Variants in BRINP2 observed in about 807,000 individuals in gnomAD.
BRINP2 encodes BMP/retinoic acid-inducible neural-specific protein 2.
In BRINP2, 21 loss-of-function variants were observed where a neutral mutation model predicts 69.2. The observed-to-expected ratio is 0.30, with a 90% confidence interval of 0.22 to 0.44. The LOEUF (loss-of-function observed/expected upper bound fraction) is 0.44, where lower values mean the gene tolerates loss of function less well. Ranked by LOEUF, BRINP2 falls within the 20% of genes least tolerant of loss-of-function variation. BRINP2 has a pLI of 1.00. For missense variants in BRINP2, 877 were observed against 986.0 expected (o/e 0.89, Z 1.48); for synonymous variants, 380 against 394.1 (o/e 0.96, Z 0.42).
At chr1:177,271,012 A>G (rs1353466009) in intron 4 of BRINP2, among the ~76,000 whole-genome samples, 2 of 152,226 alleles carry the variant, frequency 1.3e-5, no homozygotes, top group African/African-American at 2.4e-5. Flanking sequence ...CCACATGTGG[A>G]GGGAGGCAGG....
chr1:177,226,912 C>G (rs1649709554), intron 1 of BRINP2, among the ~76,000 whole-genome samples: 1 of 152,164 alleles, frequency 6.6e-6, no homozygotes, highest in Non-Finnish European at 1.5e-5. Context: ...CCCAGGCCAG[C>G]AGAAGCTTGA....
At chr1:177,230,984 A>T (rs945413849) in intron 2 of BRINP2, among the ~76,000 whole-genome samples, 13 of 152,230 alleles carry the variant, frequency 8.5e-5, no homozygotes, top group Admixed American at 3.9e-4. Flanking sequence ...TTTTCTAATT[A>T]AAATTAGTTT....
intron 1 of BRINP2, among the ~76,000 whole-genome samples, chr1:177,178,313 T>C (rs538870290): frequency 5.9e-5 from 9 of 152,298 alleles, no homozygotes; most frequent in African/African-American, 2.2e-4. Context: ...CTCCCCACTA[T>C]TGTCAAAATA....
chr1:177,276,323 C>T lies in BRINP2; in HGVS notation c.901C>T (p.Pro301Ser), dbSNP rs1359213025. Residue 301 changes from proline (P) to serine (S), a missense_variant, in exon 6 of 8, where the codon CCC becomes TCC. Transcript: ENST00000361539. The stretch of plus-strand genomic sequence containing the variant: ...GAATGACTGCTGGTGCAAGTGCAGC[C>T]CCACCTTCCCTGAATGCAACTGCCC... ...KENDCWCKCS[P>S]TFPECNCPDA... The T allele has an allele frequency of 6.2e-7, 1 of 1,614,202 alleles. No homozygotes were observed. Among genetic ancestry groups the T allele is most frequent in the South Asian group, 1.1e-5 (1 of 91,080 alleles).
At chr1:177,232,012 A>G (rs542654490) in intron 2 of BRINP2, among the ~76,000 whole-genome samples, 8 of 152,252 alleles carry the variant, frequency 5.3e-5, no homozygotes, top group Non-Finnish European at 8.8e-5. Flanking sequence ...CCACTCTAGA[A>G]TGTGCTTAAG....
chr1:177,209,295 A>G (rs769465511), intron 1 of BRINP2, among the ~76,000 whole-genome samples: 3 of 152,126 alleles, frequency 2.0e-5, no homozygotes, highest in Non-Finnish European at 4.4e-5. Flanking sequence ...CAGAAAGCAT[A>G]TGGGTAATTT....
At chr1:177,199,858 T>G (rs1278894974) in intron 1 of BRINP2, among the ~76,000 whole-genome samples, 1 of 152,220 alleles carries the variant, frequency 6.6e-6, no homozygotes, top group Non-Finnish European at 1.5e-5. Flanking sequence ...TGGCTCTATG[T>G]GCAAAATATG....
intron 1 of BRINP2, among the ~76,000 whole-genome samples, chr1:177,196,220 C>T (rs553333728): frequency 2.3e-4 from 35 of 152,288 alleles, no homozygotes; most frequent in Middle Eastern, 3.4e-3. Context: ...CCCAGATATA[C>T]CTTAGAATCA....
At chr1:177,175,900 G>C (rs190075964) in intron 1 of BRINP2, among the ~76,000 whole-genome samples, 93 of 152,302 alleles carry the variant, frequency 6.1e-4, no homozygotes, top group African/African-American at 2.1e-3. Context: ...GGCTGAGGTA[G>C]AGATCTGGGC....
intron 3 of BRINP2, chr1:177,256,435 G>T (rs1650761184): frequency 1.0e-6 from 1 of 985,302 alleles, no homozygotes; most frequent in Non-Finnish European, 1.2e-6. Flanking sequence ...ACTTTCTAAT[G>T]TTTGCTGTGG....
chr1:177,257,458 C>T (rs1017567335), intron 4 of BRINP2, 74 bp downstream of exon 4: 1 of 1,386,240 alleles, frequency 7.2e-7, no homozygotes, highest in African/African-American at 1.4e-5. Flanking sequence ...GAGCCTCAAC[C>T]ATCTCTAGGT....
chr1:177,180,553 G>A (rs572984347), intron 1 of BRINP2, among the ~76,000 whole-genome samples: 4 of 152,352 alleles, frequency 2.6e-5, no homozygotes, highest in South Asian at 2.1e-4. Context: ...CATATTCACA[G>A]TGGTTTTCAT....
Position 177,281,773 on chromosome 1 carries a change from A to C in BRINP2, c.*245A>C, listed in dbSNP as rs906125758. 1 of 395,538 alleles carries C rather than the reference A, an allele frequency of 2.5e-6. No individual in the cohort carries two copies. The highest frequency in any genetic ancestry group is 2.1e-5 in the African/African-American group (1 of 48,652). The allele number at this position is 395,538 out of a possible 1,614,324, so 24.5% of individuals were successfully genotyped here. ...GGAGGCTACAACTAAGCAGCCTCAG[A>C]TCTGTAAAGTTGATTGGTGCTTTCT... On this transcript the variant is annotated 3_prime_UTR_variant, in exon 8 of 8. Transcript: ENST00000361539.
intron 1 of BRINP2, among the ~76,000 whole-genome samples, chr1:177,208,001 G>A (rs1301378138): frequency 6.6e-6 from 1 of 152,194 alleles, no homozygotes; most frequent in African/African-American, 2.4e-5. Flanking sequence ...GAGGGGTGTA[G>A]AACCTGGTGG....
At chr1:177,267,364 G>C (rs1651161940) in intron 4 of BRINP2, among the ~76,000 whole-genome samples, 1 of 152,080 alleles carries the variant, frequency 6.6e-6, no homozygotes, top group South Asian at 2.1e-4. Context: ...TCCCTAGTTG[G>C]AGATCTTTTA....
intron 1 of BRINP2, among the ~76,000 whole-genome samples, chr1:177,211,616 A>G (rs1268100856): frequency 1.3e-5 from 2 of 152,186 alleles, no homozygotes; most frequent in African/African-American, 4.8e-5. Flanking sequence ...GTTGTTCATT[A>G]TGATTCAAGT....
At chr1:177,200,259 T>C (rs1648864483) in intron 1 of BRINP2, among the ~76,000 whole-genome samples, 1 of 113,122 alleles carries the variant, frequency 8.8e-6, no homozygotes, top group Admixed American at 1.4e-4. Flanking sequence ...GCCCTTGCTC[T>C]CCAGCCTGGG....
intron 4 of BRINP2, 114 bp downstream of exon 4, chr1:177,257,498 G>T: frequency 9.8e-7 from 1 of 1,025,518 alleles, no homozygotes; most frequent in Non-Finnish European, 1.4e-6. Flanking sequence ...AAGAGGAAAA[G>T]AAGCTTTCTG....
Position 177,229,984 on chromosome 1 carries a change from C to T in BRINP2, c.108C>T (p.Ala36=). 6.2e-7 allele frequency: 1 copy of T among 1,613,370 alleles called. No homozygotes were observed. Among genetic ancestry groups the T allele is most frequent in the Non-Finnish European group, 8.5e-7 (1 of 1,179,866 alleles). Residue 36 remains alanine, a synonymous_variant, in exon 2 of 8, where the codon GCC becomes GCT. Coordinates refer to ENST00000361539, the MANE Select transcript of BRINP2 (RefSeq NM_021165.4). ...GLPGWVLAVS[A]TAAAVVPEQH... Reference sequence around the variant, plus strand: ...CTGGCTGGGTGTTGGCTGTCTCAGCCACGGCGGCTGCTGTGGTCCCCGAGC... The same window carrying T: ...CTGGCTGGGTGTTGGCTGTCTCAGCTACGGCGGCTGCTGTGGTCCCCGAGC...
Sources: allele counts gnomAD v4.1 joint callset (sites outside exome capture counted in the v4.1 genomes callset), GRCh38; gene constraint gnomAD v4.1.1; transcripts MANE v1.5; gene names NCBI Gene and HGNC (gene_info 2026-07-23, HGNC 2026-07-21).